Variants in SLC37A1 observed in about 807,000 individuals in gnomAD.
SLC37A1 encodes solute carrier family 37 member 1, also known as glucose-6-phosphate exchanger SLC37A1.
In SLC37A1, 49 loss-of-function variants were observed where a neutral mutation model predicts 75.3. The ratio of observed to expected loss-of-function variants is 0.65; its 90% CI spans 0.52 to 0.83. SLC37A1 has a LOEUF of 0.83. Ranked by LOEUF, SLC37A1 falls within the 40% of genes least tolerant of loss-of-function variation. The pLI, the probability that SLC37A1 is intolerant of heterozygous loss-of-function variation, is 0.00. For missense variants in SLC37A1, 566 were observed against 695.0 expected, an observed-to-expected ratio of 0.81 and a Z score of 2.09; for synonymous variants, 268 against 292.1, an observed-to-expected ratio of 0.92 and a Z score of 0.84.
chr21:42,570,094 G>C lies in SLC37A1; in HGVS notation c.1423+1656G>C, dbSNP rs1443546645. ...TGCCATGTCATGCGACACACGGCCT[G>C]GTTCTGAGAAGTGGTGGGCAGGGTG... On this transcript the variant is annotated intron_variant, in intron 17 of 19. Coordinates refer to ENST00000352133, the MANE Select transcript of SLC37A1 (RefSeq NM_001320537.2). Among the ~76,000 whole-genome samples, 471 of 108,164 alleles carry C rather than the reference G, an allele frequency of 4.4e-3. 11 individuals are homozygous for C. Among genetic ancestry groups the C allele is most frequent in the African/African-American group, 0.013 (448 of 33,648 alleles). 71.0% of individuals were successfully genotyped at this position (108,164 alleles called of 152,430 possible). A position where few individuals can be genotyped will look rare whatever the true frequency, so the allele number is the denominator to read the frequency against.
chr21:42,543,551 G>A lies in SLC37A1; in HGVS notation c.679G>A (p.Gly227Arg), dbSNP rs1398221937. The A allele has an allele frequency of 1.2e-6, 2 of 1,613,238 alleles. No homozygotes were observed. Among genetic ancestry groups the A allele is most frequent in the African/African-American group, 2.7e-5 (2 of 74,898 alleles). Residue 227 changes from glycine (G) to arginine (R), a missense_variant, in exon 8 of 20, where the codon GGA (glycine) becomes AGA (arginine). Transcript: ENST00000352133. ...CTGGGGCCTGTCCTTCGTCGTGCCT[G>A]GAGCCATCGTGGCAGCCATGGGGAT... ...TCWGLSFVVP[G>R]AIVAAMGIVC... is the part of the protein sequence containing the mutation.
At chr21:42,528,748 G>T (rs775051391) in intron 3 of SLC37A1, among the ~76,000 whole-genome samples, 1 of 152,210 alleles carries the variant, frequency 6.6e-6, no homozygotes, top group Non-Finnish European at 1.5e-5. Context: ...AGAATAGCTT[G>T]AATCCGGGAG....
chr21:42,518,250 T>A lies in SLC37A1; in HGVS notation c.-178-27T>A, dbSNP rs1439380016. The stretch of plus-strand genomic sequence containing the variant: ...AGGTGTGAATGTCACGACACTGGAC[T>A]CTGAATGCCTCTCCTCCTCCTTGTA... On this transcript the variant is annotated intron_variant, in intron 1 of 19. Coordinates refer to ENST00000352133, the MANE Select transcript of SLC37A1 (RefSeq NM_001320537.2). The A allele has an allele frequency of 1.2e-5, 7 of 598,622 alleles. No individual in the cohort carries two copies. The Admixed American group carries it at 1.8e-4, about 16-fold the overall frequency. 37.1% of individuals were successfully genotyped at this position (598,622 alleles called of 1,614,324 possible).
intron 3 of SLC37A1, among the ~76,000 whole-genome samples, chr21:42,529,605 A>C (rs10887974): frequency 6.6e-6 from 1 of 152,106 alleles, no homozygotes; most frequent in Non-Finnish European, 1.5e-5. Context: ...TAAAATACAA[A>C]AAGTACAAAT....
chr21:42,559,786 G>T (rs931106768), intron 11 of SLC37A1, among the ~76,000 whole-genome samples: 5 of 151,358 alleles, frequency 3.3e-5, no homozygotes, highest in African/African-American at 1.2e-4. Context: ...TGAGGCGGGA[G>T]AATCGCTTGA....
rs373383942 is a variant in SLC37A1 at position 42,502,050 on chromosome 21, T to C, written c.-300-246T>C. On this transcript the variant is annotated intron_variant, in intron 1 of 20. Coordinates refer to the SLC37A1 transcript ENST00000398341. ...TCATGATCAAATAAGATAACGAGGA[T>C]GAAATGATTTGGAAGTGCTATAGAA... Among the ~76,000 whole-genome samples the C allele has an allele frequency of 1.1e-4, 16 of 152,328 alleles. 4 individuals carry two copies. Among genetic ancestry groups the C allele is most frequent in the East Asian group, 1.9e-4 (1 of 5,190 alleles).
intron 1 of SLC37A1, 148 bp from the exon 2 acceptor site, chr21:42,518,129 G>C (rs4514974): frequency 0.8 from 267,811 of 334,118 alleles, 109,118 homozygotes; most frequent in African/African-American, 0.88. Context: ...TAGTAACACT[G>C]CTGGTGGGGG....
chr21:42,569,965 C>A (rs1490798000), intron 17 of SLC37A1, among the ~76,000 whole-genome samples: 3 of 150,478 alleles, frequency 2.0e-5, no homozygotes, highest in Non-Finnish European at 4.4e-5. Context: ...TTTCCTTGTT[C>A]TGCGTTTCCT....
chr21:42,576,669 G>A (rs1417080651), intron 18 of SLC37A1, among the ~76,000 whole-genome samples: 2 of 152,088 alleles, frequency 1.3e-5, no homozygotes, highest in African/African-American at 2.4e-5. Context: ...ATGAAAAAAA[G>A]AACAAGACAC....
chr21:42,535,568 T>G lies in SLC37A1; in HGVS notation c.350+18T>G, dbSNP rs942449852. The G allele has an allele frequency of 5.6e-6, 9 of 1,605,816 alleles. No homozygotes were observed. The Admixed American group carries it at 1.0e-4, about 18-fold the overall frequency. ...TACCTCAGGTAGGTCTCCTTCAGTT[T>G]TCCAGACCCTTCCTGGTTACCTGGC... is the stretch of plus-strand genomic sequence containing the variant. On this transcript the variant is annotated intron_variant, in intron 5 of 19. Transcript: ENST00000352133.
intron 3 of SLC37A1, among the ~76,000 whole-genome samples, chr21:42,532,374 G>A (rs183825268): frequency 6.6e-6 from 1 of 152,222 alleles, no homozygotes; most frequent in East Asian, 1.9e-4. Context: ...CCAGGTTAAT[G>A]TTAGAAACTT....
chr21:42,524,420 C>A (rs1568990062), intron 2 of SLC37A1, among the ~76,000 whole-genome samples: 1 of 152,216 alleles, frequency 6.6e-6, no homozygotes. Flanking sequence ...TGCTTTTCTC[C>A]CAGCCAAACT....
chr21:42,574,017 G>A (rs1044453013), intron 17 of SLC37A1, among the ~76,000 whole-genome samples: 5 of 121,878 alleles, frequency 4.1e-5, no homozygotes, highest in South Asian at 2.5e-4. Flanking sequence ...TCATGCACCC[G>A]TGTTTTTACA....
intron 9 of SLC37A1, among the ~76,000 whole-genome samples, chr21:42,549,988 CCT>C (rs1319964746): frequency 2.0e-5 from 3 of 152,176 alleles, no homozygotes; most frequent in Non-Finnish European, 4.4e-5. Context: ...TAATACTATC[CCT>C]TCCCACCTCC....
At chr21:42,516,529 G>C (rs1483730893) in intron 1 of SLC37A1, among the ~76,000 whole-genome samples, 2 of 152,174 alleles carry the variant, frequency 1.3e-5, no homozygotes, top group African/African-American at 4.8e-5. Flanking sequence ...CTCATTAGTT[G>C]AGCTCTTAAC....
At chr21:42,556,222 C>T (rs1373009899) in intron 10 of SLC37A1, among the ~76,000 whole-genome samples, 3 of 152,234 alleles carry the variant, frequency 2.0e-5, no homozygotes, top group Non-Finnish European at 4.4e-5. Context: ...GTCTTGGGGA[C>T]GGTCGCACTT....
chr21:42,526,949 A>G (rs890134230), intron 3 of SLC37A1, among the ~76,000 whole-genome samples: 3 of 152,234 alleles, frequency 2.0e-5, no homozygotes, highest in Non-Finnish European at 4.4e-5. Context: ...TCTGAATACT[A>G]CTACTTCTTG....
At chr21:42,535,422 A>G in intron 4 of SLC37A1, 50 bp from the exon 5 acceptor site, 4 of 1,513,974 alleles carry the variant, frequency 2.6e-6, no homozygotes, top group South Asian at 1.1e-5. Context: ...GCTCTAGAAC[A>G]TAAACTAAAC....
At chr21:42,575,444 G>A (rs1476010131) in intron 18 of SLC37A1, 20 of 985,366 alleles carry the variant, frequency 2.0e-5, no homozygotes, top group Non-Finnish European at 2.2e-5. Context: ...GAGGTTGCCA[G>A]TGCAGACACT....
Sources: allele counts gnomAD v4.1 joint callset (sites outside exome capture counted in the v4.1 genomes callset), GRCh38; gene constraint gnomAD v4.1.1; transcripts MANE v1.5; gene names NCBI Gene and HGNC (gene_info 2026-07-23, HGNC 2026-07-21).